Variants in LRRIQ1 observed in about 807,000 individuals in gnomAD.
LRRIQ1 encodes the protein leucine rich repeats and IQ motif containing 1.
In LRRIQ1, 210 loss-of-function variants were observed where a neutral mutation model predicts 211.9. The observed-to-expected ratio is 0.99, with a 90% CI of 0.89 to 1.11. The LOEUF (loss-of-function observed/expected upper bound fraction) is 1.11. LRRIQ1 is among the 50% of genes most tolerant of loss of function. The probability of loss-of-function intolerance (pLI) is 0.00; values close to 1 mark genes in which losing one functional copy is unlikely to be tolerated. For synonymous variants in LRRIQ1, 699 were observed against 650.1 expected (o/e 1.08, Z -1.14); for missense variants, 2,136 against 1,939.5 (o/e 1.10, Z -1.90).
intron 24 of LRRIQ1, among the ~76,000 whole-genome samples, chr12:85,224,596 A>C (rs1894558618): frequency 6.6e-6 from 1 of 152,108 alleles, no homozygotes; most frequent in African/African-American, 2.4e-5. Flanking sequence ...GACATGGATG[A>C]AGCTGGAAAC....
chr12:85,061,815 G>GA (rs879322648), intron 8 of LRRIQ1, among the ~76,000 whole-genome samples: 1 of 151,580 alleles, frequency 6.6e-6, no homozygotes, highest in Non-Finnish European at 1.5e-5. Context: ...TTTTCTTTCT[G>GA]AAAAAATTAT....
At chr12:85,072,789 A>G (rs1199276093) in intron 10 of LRRIQ1, 118 bp from the exon 11 acceptor site, 2 of 585,080 alleles carry the variant, frequency 3.4e-6, no homozygotes, top group Non-Finnish European at 5.6e-6. Context: ...TTTATACAGT[A>G]TAGATTTAGG....
At chr12:85,158,744 G>T (rs1255863301) in intron 23 of LRRIQ1, among the ~76,000 whole-genome samples, 2 of 151,972 alleles carry the variant, frequency 1.3e-5, no homozygotes, top group East Asian at 1.9e-4. Context: ...TGTTTATAAG[G>T]CAACTTACAC....
intron 24 of LRRIQ1, among the ~76,000 whole-genome samples, chr12:85,226,123 A>C (rs1357121487): frequency 6.6e-6 from 1 of 152,148 alleles, no homozygotes; most frequent in Non-Finnish European, 1.5e-5. Context: ...CTGAGTTTTG[A>C]TGTAAAATTA....
In LRRIQ1 at chr12:85,099,001, G is replaced by T. The variant is rs374172149; in HGVS notation, c.3209+7G>T. ...TTACTATCTCTCAAAACAGGTAAAAGCATACTTAAGAAATAAATTCAGTGA... is the reference window on the plus strand; with the variant it reads ...TTACTATCTCTCAAAACAGGTAAAATCATACTTAAGAAATAAATTCAGTGA... On this transcript the variant is annotated splice_region_variant and intron_variant, in intron 13 of 26. Transcript: ENST00000393217. 4 of 1,514,634 alleles carry T rather than the reference G, an allele frequency of 2.6e-6. No homozygotes were observed. The African/African-American group carries it at 5.7e-5, about 21-fold the overall frequency. 93.8% of individuals were successfully genotyped at this position (1,514,634 alleles called of 1,614,324 possible).
At chr12:85,121,980 G>A (rs534579720) in intron 16 of LRRIQ1, 104 bp downstream of exon 16, 2 of 983,732 alleles carry the variant, frequency 2.0e-6, no homozygotes, top group African/African-American at 3.4e-5. Context: ...TTTTGGATTA[G>A]AACAGTGTGT....
At chr12:85,084,768 A>T (rs1228987814) in intron 11 of LRRIQ1, among the ~76,000 whole-genome samples, 1 of 152,032 alleles carries the variant, frequency 6.6e-6, no homozygotes. Context: ...TCTACTAAAA[A>T]TACAAAAATT....
intron 24 of LRRIQ1, among the ~76,000 whole-genome samples, chr12:85,207,462 C>G (rs891183116): frequency 6.6e-6 from 1 of 152,126 alleles, no homozygotes; most frequent in African/African-American, 2.4e-5. Context: ...AATATTTTCT[C>G]CCAGTCTGTG....
intron 24 of LRRIQ1, among the ~76,000 whole-genome samples, chr12:85,202,991 A>G (rs1430392550): frequency 6.6e-6 from 1 of 151,968 alleles, no homozygotes; most frequent in East Asian, 1.9e-4. Flanking sequence ...TAGGAATTTG[A>G]TACAGTTTGG....
chr12:85,212,797 GAGAA>G (rs903137582), intron 24 of LRRIQ1, among the ~76,000 whole-genome samples: 7 of 149,514 alleles, frequency 4.7e-5, no homozygotes, highest in Non-Finnish European at 1.0e-4. Flanking sequence ...TAGAGAGAGA[GAGAA>G]AGAGAGAGAG....
chr12:85,213,855 G>A (rs1014015542), intron 24 of LRRIQ1, among the ~76,000 whole-genome samples: 10 of 151,820 alleles, frequency 6.6e-5, no homozygotes, highest in East Asian at 5.8e-4. Context: ...AAAATTGTTC[G>A]AAAAGACTAG....
chr12:85,064,523 G>T (rs913034164), intron 8 of LRRIQ1, among the ~76,000 whole-genome samples: 3 of 151,612 alleles, frequency 2.0e-5, no homozygotes, highest in African/African-American at 7.3e-5. Flanking sequence ...TTTTTAACTT[G>T]ATGTAATTCC....
intron 24 of LRRIQ1, among the ~76,000 whole-genome samples, chr12:85,191,886 T>C (rs1892528814): frequency 6.6e-6 from 1 of 151,980 alleles, no homozygotes; most frequent in Non-Finnish European, 1.5e-5. Context: ...TGAGCATCTT[T>C]TCATATGTTA....
Position 85,232,603 on chromosome 12 carries a change from G to A in LRRIQ1, c.4956-93G>A, listed in dbSNP as rs1056070588. ...CTGTTGTTTCCATTTTGTAAATAAC[G>A]AATTTCTCTCAAGCTTTTTAGTTGG... On this transcript the variant is annotated intron_variant, in intron 25 of 26. Coordinates refer to ENST00000393217, the MANE Select transcript of LRRIQ1 (RefSeq NM_001079910.2). 15 of 985,764 alleles carry A rather than the reference G, an allele frequency of 1.5e-5. No individual in the cohort carries two copies. In the East Asian group the frequency reaches 1.6e-4, roughly 10 times the overall value. 61.1% of individuals were successfully genotyped at this position (985,764 alleles called of 1,614,324 possible).
At position 85,154,090 on chromosome 12, in the gene LRRIQ1, A is replaced by C; in HGVS notation, c.4716A>C (p.Lys1572Asn). The change falls in exon 23 of 27, where the codon AAA becomes AAC. Residue 1572 changes from lysine to asparagine, a missense_variant. Lys to Asn is a moderately conservative substitution (Grantham distance 94). Coordinates refer to ENST00000393217, the MANE Select transcript of LRRIQ1 (RefSeq NM_001079910.2). ...TGAAATCGAAGAAACTAAAGAAAAA[A>C]ATAGGTGAGTAATTAGTGCTCTTTG... ...QKMKSKKLKK[K>N]IDSTVRLALF... 1.3e-6 allele frequency: 2 copies of C among 1,551,056 alleles called. No homozygotes were observed. Among genetic ancestry groups the C allele is most frequent in the East Asian group, 4.7e-5 (2 of 42,880 alleles).
At chr12:85,100,943 G>A (rs1163548438) in intron 13 of LRRIQ1, among the ~76,000 whole-genome samples, 1 of 151,426 alleles carries the variant, frequency 6.6e-6, no homozygotes, top group African/African-American at 2.4e-5. Context: ...AACCATATTA[G>A]GTTTGATAAA....
At chr12:85,092,554 T>C (rs190218324) in intron 11 of LRRIQ1, among the ~76,000 whole-genome samples, 5 of 152,278 alleles carry the variant, frequency 3.3e-5, no homozygotes, top group Non-Finnish European at 7.4e-5. Context: ...GAAAGTTGCA[T>C]CTAAAAGAAA....
intron 11 of LRRIQ1, among the ~76,000 whole-genome samples, chr12:85,087,455 A>T (rs1240137077): frequency 6.6e-6 from 1 of 152,182 alleles, no homozygotes; most frequent in African/African-American, 2.4e-5. Flanking sequence ...TTGGGTATAT[A>T]CCCAGTAATG....
intron 1 of LRRIQ1, among the ~76,000 whole-genome samples, chr12:85,258,545 G>T (rs766975080): frequency 4.6e-5 from 7 of 151,742 alleles, no homozygotes; most frequent in Non-Finnish European, 8.8e-5. Flanking sequence ...CACTATAAAT[G>T]ATTATTATAA....
Sources: allele counts gnomAD v4.1 joint callset (sites outside exome capture counted in the v4.1 genomes callset), GRCh38; gene constraint gnomAD v4.1.1; transcripts MANE v1.5; gene names NCBI Gene and HGNC (gene_info 2026-07-23, HGNC 2026-07-21).